The following OTUD7A variants were observed in gnomAD, a reference collection of about 807,000 sequenced individuals.
OTUD7A encodes OTU deubiquitinase 7A, also known as OTU domain-containing protein 7A.
In OTUD7A, 12 loss-of-function variants were observed where a neutral mutation model predicts 65.7. That is an observed-to-expected ratio of 0.18 (90% CI 0.12 to 0.30). The LOEUF is 0.30. OTUD7A is among the 10% of genes least tolerant of loss of function. OTUD7A has a pLI of 1.00. For missense variants in OTUD7A, 1,148 were observed against 1,304.8 expected, an observed-to-expected ratio of 0.88 and a Z score of 1.85; for synonymous variants, 641 against 586.3, an observed-to-expected ratio of 1.09 and a Z score of -1.35.
rs200172382 is a variant in OTUD7A at position 31,503,737 on chromosome 15, G to A, written c.975C>T (p.Pro325=). 4 of 1,614,022 alleles carry A rather than the reference G, an allele frequency of 2.5e-6. No individual in the cohort carries two copies. Among genetic ancestry groups the A allele is most frequent in the South Asian group, 1.1e-5 (1 of 91,084 alleles). The part of the protein sequence containing the change: ...VFVLAHILRR[P]IVVVADTMLR... ...ACATTGTATCTGCCACAACAACGAT[G>A]GGCCTTCTTAATATATGGGCTAGGA... The change falls in exon 9 of 13, where the codon CCC becomes CCT. Residue 325 remains proline (P), a synonymous_variant. Transcript: ENST00000307050.
intron 1 of OTUD7A, among the ~76,000 whole-genome samples, chr15:31,661,881 G>A (rs190152481): frequency 2.6e-5 from 4 of 152,152 alleles, no homozygotes; most frequent in African/African-American, 7.2e-5. Flanking sequence ...TACAGATTTT[G>A]CCTCCGTCTT....
At chr15:31,673,615 A>T (rs945522685) in intron 1 of OTUD7A, among the ~76,000 whole-genome samples, 4 of 152,348 alleles carry the variant, frequency 2.6e-5, no homozygotes, top group African/African-American at 9.6e-5. Flanking sequence ...CTGGCATAAA[A>T]TATGTGCCTG....
chr15:31,616,123 G>A (rs1051525973), intron 3 of OTUD7A, among the ~76,000 whole-genome samples: 1 of 152,222 alleles, frequency 6.6e-6, no homozygotes, highest in African/African-American at 2.4e-5. Context: ...CCAGCAATGG[G>A]GTCTTGCACA....
At chr15:31,838,988 C>G (rs1357495329) in intron 1 of OTUD7A, among the ~76,000 whole-genome samples, 1 of 152,212 alleles carries the variant, frequency 6.6e-6, no homozygotes, top group Non-Finnish European at 1.5e-5. Flanking sequence ...CTGGAGGACC[C>G]AGACAGATAG....
At chr15:31,761,098 G>C (rs769066582) in intron 1 of OTUD7A, among the ~76,000 whole-genome samples, 1 of 152,004 alleles carries the variant, frequency 6.6e-6, no homozygotes, top group Non-Finnish European at 1.5e-5. Context: ...AAACATAGCA[G>C]TAAATCTTTG....
intron 1 of OTUD7A, among the ~76,000 whole-genome samples, chr15:31,763,059 G>T (rs1047469253): frequency 6.6e-6 from 1 of 152,166 alleles, no homozygotes; most frequent in African/African-American, 2.4e-5. Context: ...GAGGCAGGCG[G>T]ATCACCTGAG....
intron 1 of OTUD7A, among the ~76,000 whole-genome samples, chr15:31,718,159 T>C (rs982513730): frequency 5.3e-5 from 8 of 152,218 alleles, no homozygotes; most frequent in East Asian, 1.9e-4. Context: ...ATGATGCTTA[T>C]GTTGACCTCT....
rs936870456 is a variant in OTUD7A, at chr15:31,718,428, C to A, written c.-99-61351G>T. 5.3e-4 allele frequency among the ~76,000 whole-genome samples: 81 copies of A among 152,030 alleles called. 1 individual carries two copies. The highest frequency in any genetic ancestry group is 2.0e-3 in the Admixed American group (31 of 15,262). On this transcript the variant is annotated intron_variant, in intron 1 of 12. Transcript: ENST00000307050. ...ACTTTCCCTTCTCCCCCATTTATTT[C>A]TCTATTCATCCATTTCTTTCTTTTA...
At chr15:31,767,978 T>G in intron 1 of OTUD7A, 1 of 1,571,994 alleles carries the variant, frequency 6.4e-7, no homozygotes, top group African/African-American at 1.3e-5. Flanking sequence ...CTTAAGAAAT[T>G]TCCTCAACAG....
At chr15:31,526,754 C>A (rs2042020435) in intron 7 of OTUD7A, among the ~76,000 whole-genome samples, 2 of 152,174 alleles carry the variant, frequency 1.3e-5, no homozygotes, top group Non-Finnish European at 2.9e-5. Context: ...CTGGGGCTGG[C>A]CGTTCAGATT....
chr15:31,797,259 T>A (rs1316257690), intron 1 of OTUD7A, among the ~76,000 whole-genome samples: 1 of 152,154 alleles, frequency 6.6e-6, no homozygotes, highest in Non-Finnish European at 1.5e-5. Flanking sequence ...GGAGGTGTTT[T>A]CTCGCTTAGG....
At chr15:31,533,445 C>A (rs2141126156) in intron 5 of OTUD7A, among the ~76,000 whole-genome samples, 1 of 152,214 alleles carries the variant, frequency 6.6e-6, no homozygotes, top group South Asian at 2.1e-4. Flanking sequence ...CCATGTTGGC[C>A]AGGCTAGTCT....
intron 1 of OTUD7A, among the ~76,000 whole-genome samples, chr15:31,846,998 T>C (rs1897307374): frequency 6.6e-6 from 1 of 152,156 alleles, no homozygotes; most frequent in African/African-American, 2.4e-5. Context: ...CGCCTTGTTG[T>C]TCCCTGCTAG....
intron 1 of OTUD7A, among the ~76,000 whole-genome samples, chr15:31,753,720 AT>A (rs1293066204): frequency 0.033 from 2,269 of 69,420 alleles, 113 homozygotes; most frequent in African/African-American, 0.11. Flanking sequence ...ATATATATAT[AT>A]TATATATATA....
chr15:31,824,459 C>G (rs4779924), intron 1 of OTUD7A, among the ~76,000 whole-genome samples: 88,228 of 152,126 alleles, frequency 0.58, 26,063 homozygotes, highest in East Asian at 0.69. Flanking sequence ...AAAGACAAGA[C>G]AGCCAAACAG....
chr15:31,857,660 G>A (rs1241335537), intron 1 of OTUD7A, among the ~76,000 whole-genome samples: 4 of 152,170 alleles, frequency 2.6e-5, no homozygotes, highest in East Asian at 3.9e-4. Flanking sequence ...GCTCCAGGGC[G>A]GGGATGACAT....
intron 1 of OTUD7A, among the ~76,000 whole-genome samples, chr15:31,810,358 C>T (rs974143719): frequency 3.3e-5 from 5 of 152,108 alleles, no homozygotes; most frequent in African/African-American, 1.2e-4. Flanking sequence ...AACATGACTG[C>T]ATTTGGAGAT....
intron 1 of OTUD7A, among the ~76,000 whole-genome samples, chr15:31,727,711 G>T (rs1197292530): frequency 6.6e-6 from 1 of 152,134 alleles, no homozygotes; most frequent in Non-Finnish European, 1.5e-5. Flanking sequence ...CAATACTGTG[G>T]GTGTTTCATT....
At chr15:31,694,851 CTTT>C (rs58399731) in intron 1 of OTUD7A, among the ~76,000 whole-genome samples, 6 of 145,750 alleles carry the variant, frequency 4.1e-5, no homozygotes, top group African/African-American at 1.5e-4. Context: ...TTTACATTTT[CTTT>C]TTTTTTTTTG....
Sources: allele counts gnomAD v4.1 joint callset (sites outside exome capture counted in the v4.1 genomes callset), GRCh38; gene constraint gnomAD v4.1.1; transcripts MANE v1.5; gene names NCBI Gene and HGNC (gene_info 2026-07-23, HGNC 2026-07-21).